SFSWAP: variants seen among roughly 807,000 people sequenced by gnomAD.
SFSWAP encodes splicing factor, suppressor of white-apricot homolog.
In SFSWAP, 17 loss-of-function variants were observed where a neutral mutation model predicts 100.7. The ratio of observed to expected loss-of-function variants is 0.17; its 90% confidence interval spans 0.12 to 0.25. SFSWAP has a LOEUF of 0.25. Ranked by LOEUF, SFSWAP falls within the 10% of genes least tolerant of loss-of-function variation. The probability of loss-of-function intolerance (pLI) is 1.00; values close to 1 mark genes in which losing one functional copy is unlikely to be tolerated. For missense variants in SFSWAP, 1,005 were observed against 1,262.6 expected, an observed-to-expected ratio of 0.80 and a Z score of 3.09; for synonymous variants, 504 against 510.1, an observed-to-expected ratio of 0.99 and a Z score of 0.16.
rs899628151 is a variant in SFSWAP at position 131,714,335 on chromosome 12, T to G, written c.388+95T>G. Reference sequence around the variant, plus strand: ...CCATTCATTTTTTTATACTCACTCTTTCTGATATTATCTTGACAGTACCCA... The same window carrying G: ...CCATTCATTTTTTTATACTCACTCTGTCTGATATTATCTTGACAGTACCCA... On this transcript the variant is annotated intron_variant, in intron 2 of 17. Coordinates refer to ENST00000261674, the MANE Select transcript of SFSWAP (RefSeq NM_004592.4). The surrounding 1 kb of genome is among the most constrained non-coding windows in gnomAD (Gnocchi z 6.0). 1.9e-6 allele frequency: 2 copies of G among 1,042,460 alleles called. No individual in the cohort carries two copies. Among genetic ancestry groups the G allele is most frequent in the African/African-American group, 3.2e-5 (2 of 62,524 alleles). 64.6% of individuals were successfully genotyped at this position (1,042,460 alleles called of 1,614,324 possible). A position where few individuals can be genotyped will look rare whatever the true frequency, so the allele number is the denominator to read the frequency against.
intron 12 of SFSWAP, 50 bp downstream of exon 12, chr12:131,764,736 T>G (rs996279951): frequency 7.3e-7 from 1 of 1,370,548 alleles, no homozygotes; most frequent in South Asian, 1.3e-5. Context: ...TACACAAATA[T>G]AAGATTTATC....
At chr12:131,781,701 C>T (rs1259819438) in intron 14 of SFSWAP, among the ~76,000 whole-genome samples, 1 of 152,162 alleles carries the variant, frequency 6.6e-6, no homozygotes, top group African/African-American at 2.4e-5. Flanking sequence ...GTTTAAAACA[C>T]TTTACAGCGT....
At chr12:131,749,842 G>A (rs747696387) in intron 7 of SFSWAP, among the ~76,000 whole-genome samples, 2 of 152,234 alleles carry the variant, frequency 1.3e-5, no homozygotes, top group Non-Finnish European at 1.5e-5. Flanking sequence ...TCCTAGTGGC[G>A]CAGGAGTTGC....
chr12:131,792,823 A>G (rs1485635910), intron 15 of SFSWAP, among the ~76,000 whole-genome samples: 2 of 152,226 alleles, frequency 1.3e-5, no homozygotes, highest in African/African-American at 4.8e-5. Context: ...CAGAGCTCCC[A>G]CGGCTTTTCT....
chr12:131,747,678 T>G (rs1881264171), intron 7 of SFSWAP, among the ~76,000 whole-genome samples: 1 of 152,154 alleles, frequency 6.6e-6, no homozygotes, highest in African/African-American at 2.4e-5. Flanking sequence ...GGCGTCAGCC[T>G]TGGGGTCTGC....
intron 11 of SFSWAP, among the ~76,000 whole-genome samples, chr12:131,762,714 T>C (rs905685598): frequency 6.6e-6 from 1 of 152,062 alleles, no homozygotes; most frequent in African/African-American, 2.4e-5. Flanking sequence ...GATTCCCCTG[T>C]CTCAGCCTCC....
chr12:131,779,240 TGTGAAGAGG>T (rs1884289848), intron 14 of SFSWAP, among the ~76,000 whole-genome samples: 1 of 148,372 alleles, frequency 6.7e-6, no homozygotes, highest in Non-Finnish European at 1.5e-5. Context: ...GGTGAGCGTG[TGTGAAGAGG>T]GCGGCGCGGG....
chr12:131,764,479 G>A lies in SFSWAP; in HGVS notation c.1744G>A (p.Ala582Thr). Residue 582 changes from alanine (A) to threonine (T), a missense_variant, in exon 12 of 18, where the codon GCA becomes ACA. Coordinates refer to ENST00000261674, the MANE Select transcript of SFSWAP (RefSeq NM_004592.4). The stretch of plus-strand genomic sequence containing the variant: ...AGCTTCCTTTGCTCCAATAAGCTTT[G>A]CAATCAAGGCCAAAGAAAATGATCT... The part of the protein sequence containing the change: ...VKASFAPISF[A>T]IKAKENDLLP... The A allele has an allele frequency of 6.2e-7, 1 of 1,614,072 alleles. No homozygotes were observed. The highest frequency in any genetic ancestry group is 1.7e-5 in the Admixed American group (1 of 60,012).
At position 131,778,018 on chromosome 12, in the gene SFSWAP, A is replaced by G. The variant is rs776380045; in HGVS notation, c.2143-47A>G. On this transcript the variant is annotated intron_variant, in intron 13 of 17. Coordinates refer to ENST00000261674, the MANE Select transcript of SFSWAP (RefSeq NM_004592.4). This position sits in a 1 kb window ranked among gnomAD's most constrained non-coding sequence, Gnocchi z 4.2. ...GAAATTTTATAGATATACATCTTCAATGTTCTGTTTTCCCTGTTAACACCC... is the reference window on the plus strand; with the variant it reads ...GAAATTTTATAGATATACATCTTCAGTGTTCTGTTTTCCCTGTTAACACCC... The G allele has an allele frequency of 2.3e-5, 36 of 1,573,844 alleles. No individual in the cohort carries two copies. Among genetic ancestry groups the G allele is most frequent in the Non-Finnish European group, 2.4e-5 (28 of 1,166,402 alleles).
chr12:131,735,449 T>G (rs1464597456), intron 7 of SFSWAP, among the ~76,000 whole-genome samples: 2 of 152,208 alleles, frequency 1.3e-5, no homozygotes, highest in Non-Finnish European at 2.9e-5. Context: ...TTTTGGAGGT[T>G]TCCCATTGTT....
chr12:131,715,362 A>C (rs1026026139), intron 3 of SFSWAP, among the ~76,000 whole-genome samples: 1 of 152,164 alleles, frequency 6.6e-6, no homozygotes, highest in African/African-American at 2.4e-5. Context: ...AGACAGTGAC[A>C]CATGCCCAGT....
intron 8 of SFSWAP, chr12:131,753,602 C>T (rs191765135): frequency 7.3e-5 from 40 of 548,808 alleles, no homozygotes; most frequent in African/African-American, 3.2e-4. Flanking sequence ...CATTTCACGT[C>T]GCACGCTGGC....
At chr12:131,780,650 C>T (rs1005203364) in intron 14 of SFSWAP, among the ~76,000 whole-genome samples, 3 of 152,076 alleles carry the variant, frequency 2.0e-5, no homozygotes, top group Admixed American at 6.6e-5. Flanking sequence ...GGTGACAGAG[C>T]GAGACCTTGC....
chr12:131,744,538 A>G (rs940540839), intron 7 of SFSWAP, among the ~76,000 whole-genome samples: 2 of 152,324 alleles, frequency 1.3e-5, no homozygotes, highest in East Asian at 3.9e-4. Flanking sequence ...TGTTCCTGTC[A>G]CTATCAGCAT....
At chr12:131,747,095 C>G (rs1444056736) in intron 7 of SFSWAP, among the ~76,000 whole-genome samples, 1 of 65,556 alleles carries the variant, frequency 1.5e-5, no homozygotes, top group Non-Finnish European at 3.6e-5. Flanking sequence ...CAGAGCGAGA[C>G]TCTGTCTCAA....
rs559594367 is a variant in SFSWAP, at chr12:131,735,823, T to C, written c.1081+7395T>C. ...TTGCTCTATGGCTTTTTAAAGCAGC[T>C]GACTTTTTATCCATCTTCTCAAAGT... On this transcript the variant is annotated intron_variant, in intron 7 of 17. Coordinates refer to ENST00000261674, the MANE Select transcript of SFSWAP (RefSeq NM_004592.4). Among the ~76,000 whole-genome samples, 26 of 152,392 alleles carry C rather than the reference T, an allele frequency of 1.7e-4. No homozygotes were observed. In the East Asian group the frequency reaches 4.8e-3, roughly 28 times the overall value.
intron 11 of SFSWAP, among the ~76,000 whole-genome samples, chr12:131,759,759 G>C (rs959288891): frequency 6.6e-6 from 1 of 150,868 alleles, no homozygotes; most frequent in Non-Finnish European, 1.5e-5. Flanking sequence ...CCGAGACTGC[G>C]CCACTGTACT....
In SFSWAP at chr12:131,781,532, C is replaced by T. The variant is rs146738302; in HGVS notation, c.2408+3202C>T. ...GATTACAGGCGTGAGCCACCGCGCC[C>T]GGCCTATATTATTTTTATATATTCA... On this transcript the variant is annotated intron_variant, in intron 14 of 17. Transcript: ENST00000261674. 2.1e-3 allele frequency among the ~76,000 whole-genome samples: 321 copies of T among 152,164 alleles called. 3 individuals carry two copies. The highest frequency in any genetic ancestry group is 7.2e-3 in the African/African-American group (299 of 41,512).
chr12:131,732,247 A>G (rs962870215), intron 7 of SFSWAP, among the ~76,000 whole-genome samples: 6 of 152,204 alleles, frequency 3.9e-5, no homozygotes, highest in African/African-American at 1.4e-4. Flanking sequence ...TAAAATACAA[A>G]GTTCATAGAA....
Sources: allele counts gnomAD v4.1 joint callset (sites outside exome capture counted in the v4.1 genomes callset), GRCh38; gene constraint gnomAD v4.1.1; non-coding constraint Gnocchi (gnomAD v3.1); transcripts MANE v1.5; gene names NCBI Gene and HGNC (gene_info 2026-07-23, HGNC 2026-07-21).